The following ME1 variants were observed in gnomAD, a reference collection of about 807,000 sequenced individuals.
The protein encoded by ME1 is NADP-dependent malic enzyme.
A neutral mutation model predicts 66.4 loss-of-function variants in ME1; 74 were observed. The ratio of observed to expected loss-of-function variants is 1.11; its 90% confidence interval spans 0.92 to 1.35. ME1 has a LOEUF of 1.35. Ranked by LOEUF, ME1 falls within the 40% of genes most tolerant of loss-of-function variation. ME1 has a pLI of 0.00. For synonymous variants in ME1, 251 were observed against 235.6 expected (o/e 1.07, Z -0.60); for missense variants, 750 against 694.1 (o/e 1.08, Z -0.90).
intron 9 of ME1, among the ~76,000 whole-genome samples, chr6:83,229,547 A>T (rs185775138): frequency 5.3e-5 from 8 of 152,288 alleles, no homozygotes; most frequent in Admixed American, 4.6e-4. Flanking sequence ...GTACTTGATG[A>T]CTTACAAGTT....
At chr6:83,247,668 A>C (rs1411349418) in intron 7 of ME1, among the ~76,000 whole-genome samples, 2 of 152,156 alleles carry the variant, frequency 1.3e-5, no homozygotes, top group Non-Finnish European at 2.9e-5. Flanking sequence ...AAAGTATTAC[A>C]TCTGTGGGCA....
intron 2 of ME1, among the ~76,000 whole-genome samples, chr6:83,402,719 A>T (rs1769860553): frequency 6.6e-6 from 1 of 152,198 alleles, no homozygotes; most frequent in Non-Finnish European, 1.5e-5. Context: ...CAATTCAAGC[A>T]GGATTACTAG....
Position 83,393,197 on chromosome 6 carries a change from G to A in ME1, c.362+5170C>T, listed in dbSNP as rs528204174. ...ACACCAAGAAGGTGGTGAAGCAGGCGTCAGAGGACCCCCTCAAAGGCATCC... is the reference window on the plus strand; with the variant it reads ...ACACCAAGAAGGTGGTGAAGCAGGCATCAGAGGACCCCCTCAAAGGCATCC... On this transcript the variant is annotated intron_variant, in intron 3 of 13. Coordinates refer to ENST00000369705, the MANE Select transcript of ME1 (RefSeq NM_002395.6). The A allele has an allele frequency of 9.8e-4, 1,181 of 1,209,100 alleles. 5 individuals carry two copies. Among genetic ancestry groups the A allele is most frequent in the Admixed American group, 3.0e-3 (175 of 58,230 alleles). The allele number at this position is 1,209,100 out of a possible 1,614,324, so 74.9% of individuals were successfully genotyped here. A position where few individuals can be genotyped will look rare whatever the true frequency, so the allele number is the denominator to read the frequency against.
intron 3 of ME1, among the ~76,000 whole-genome samples, chr6:83,391,608 G>C (rs2875343): frequency 0.32 from 48,740 of 151,690 alleles, 8,224 homozygotes; most frequent in Middle Eastern, 0.5. Context: ...ATTTAGCTAA[G>C]AGTAAAAGCC....
intron 6 of ME1, among the ~76,000 whole-genome samples, chr6:83,258,756 G>C (rs1766828985): frequency 6.6e-6 from 1 of 152,080 alleles, no homozygotes; most frequent in South Asian, 2.1e-4. Context: ...AATGAACTCA[G>C]TAAGATTAAA....
chr6:83,245,596 C>T (rs181172913), intron 7 of ME1, among the ~76,000 whole-genome samples: 7 of 152,160 alleles, frequency 4.6e-5, no homozygotes, highest in East Asian at 1.9e-4. Context: ...CTAGTAGAGA[C>T]GGGGTTTCTC....
intron 6 of ME1, among the ~76,000 whole-genome samples, chr6:83,260,852 A>T (rs1333849369): frequency 1.3e-5 from 2 of 152,170 alleles, no homozygotes; most frequent in African/African-American, 4.8e-5. Context: ...TATCCAGTGT[A>T]TCACTGATGG....
At chr6:83,345,721 T>C (rs1054671367) in intron 5 of ME1, among the ~76,000 whole-genome samples, 3 of 152,186 alleles carry the variant, frequency 2.0e-5, no homozygotes, top group Non-Finnish European at 4.4e-5. Flanking sequence ...ACTTAACATC[T>C]GACTTTAAGA....
chr6:83,413,796 A>C (rs1005453223), intron 1 of ME1, among the ~76,000 whole-genome samples: 2 of 152,168 alleles, frequency 1.3e-5, no homozygotes, highest in Non-Finnish European at 2.9e-5. Flanking sequence ...TTAAATTCTA[A>C]TTGATAATAT....
intron 6 of ME1, among the ~76,000 whole-genome samples, chr6:83,272,678 T>C (rs1484093782): frequency 6.6e-6 from 1 of 152,158 alleles, no homozygotes; most frequent in Non-Finnish European, 1.5e-5. Context: ...TTCAAACAAC[T>C]AAATGCAAGA....
intron 3 of ME1, among the ~76,000 whole-genome samples, chr6:83,361,450 C>A (rs776683832): frequency 6.6e-6 from 1 of 152,162 alleles, no homozygotes; most frequent in African/African-American, 2.4e-5. Context: ...GAGTGGGGTC[C>A]AAAACAGGAA....
At chr6:83,287,029 G>C (rs139414126) in intron 6 of ME1, among the ~76,000 whole-genome samples, 30 of 152,040 alleles carry the variant, frequency 2.0e-4, no homozygotes, top group African/African-American at 7.0e-4. Context: ...TAATAAAACA[G>C]GTTAGTATAT....
chr6:83,221,267 T>C (rs558267676), intron 12 of ME1, among the ~76,000 whole-genome samples: 1 of 152,240 alleles, frequency 6.6e-6, no homozygotes, highest in Admixed American at 6.5e-5. Context: ...AATGTCAAAG[T>C]GTGTAATAAA....
intron 1 of ME1, among the ~76,000 whole-genome samples, chr6:83,419,672 A>G (rs1770230036): frequency 6.6e-6 from 1 of 152,206 alleles, no homozygotes; most frequent in Non-Finnish European, 1.5e-5. Context: ...CTATAAGACT[A>G]TTTTTAAAAT....
intron 3 of ME1, among the ~76,000 whole-genome samples, chr6:83,376,672 G>A (rs1165785347): frequency 6.6e-6 from 1 of 150,870 alleles, no homozygotes; most frequent in Non-Finnish European, 1.5e-5. Flanking sequence ...GTGTGGTGGC[G>A]GACGCCTATA....
At chr6:83,244,353 T>C (rs1790576542) in intron 7 of ME1, among the ~76,000 whole-genome samples, 1 of 152,132 alleles carries the variant, frequency 6.6e-6, no homozygotes, top group Non-Finnish European at 1.5e-5. Flanking sequence ...TGTGAAACTG[T>C]GTGCAGTGTT....
intron 4 of ME1, among the ~76,000 whole-genome samples, chr6:83,350,123 T>C (rs1178745173): frequency 6.6e-6 from 1 of 152,212 alleles, no homozygotes; most frequent in Non-Finnish European, 1.5e-5. Flanking sequence ...TACTTTCAAG[T>C]ATATAGTACA....
At chr6:83,392,599 G>A in intron 3 of ME1, 1 of 570,290 alleles carries the variant, frequency 1.8e-6, no homozygotes, top group Admixed American at 1.9e-5. Flanking sequence ...CACCGTCAAG[G>A]CTGAGAACGG....
chr6:83,238,805 TA>T (rs1459411755), intron 8 of ME1, among the ~76,000 whole-genome samples: 2 of 148,742 alleles, frequency 1.3e-5, no homozygotes, highest in African/African-American at 4.9e-5. Context: ...GAAAAATATA[TA>T]TATATATATA....
Sources: allele counts gnomAD v4.1 joint callset (sites outside exome capture counted in the v4.1 genomes callset), GRCh38; gene constraint gnomAD v4.1.1; transcripts MANE v1.5; gene names NCBI Gene and HGNC (gene_info 2026-07-23, HGNC 2026-07-21).